Variants in JAG2 observed in about 807,000 individuals in gnomAD.
The protein encoded by JAG2 is jagged canonical Notch ligand 2, also known as protein jagged-2.
A neutral mutation model predicts 141.7 loss-of-function variants in JAG2; 46 were observed. The ratio of observed to expected loss-of-function variants is 0.32; its 90% CI spans 0.26 to 0.42. The LOEUF is 0.42. Ranked by LOEUF, JAG2 falls within the 10% of genes least tolerant of loss-of-function variation. The probability of loss-of-function intolerance (pLI) is 1.00; values close to 1 mark genes in which losing one functional copy is unlikely to be tolerated. For missense variants in JAG2, 1,500 were observed against 1,817.5 expected (o/e 0.83, Z 3.18); for synonymous variants, 862 against 763.5 (o/e 1.13, Z -2.13).
At chr14:105,148,541 G>A (rs1888304335) in intron 15 of JAG2, 102 bp from the exon 16 acceptor site, 7 of 914,784 alleles carry the variant, frequency 7.7e-6, no homozygotes, top group East Asian at 2.6e-5. Flanking sequence ...AGGACAGAGA[G>A]GGGCGGGGGA....
chr14:105,146,517 C>T lies in JAG2; in HGVS notation c.2594-17G>A. On this transcript the variant is annotated splice_polypyrimidine_tract_variant and intron_variant, in intron 21 of 25. Coordinates refer to ENST00000331782, the MANE Select transcript of JAG2 (RefSeq NM_002226.5). ...ACCCGATCACTGTGGGGAGAAGGGG[C>T]TCGAGGGTCAGCAGTGGGCATCTGG... 1.2e-6 allele frequency: 2 copies of T among 1,611,306 alleles called. No homozygotes were observed. The highest frequency in any genetic ancestry group is 1.7e-6 in the Non-Finnish European group (2 of 1,178,628).
In JAG2 at chr14:105,149,324, C is replaced by T; in HGVS notation, c.1603-4G>A. ...GCTCACAAAGGTCGACATCCACCTG[C>T]AGGGTGGGGGGTGCCTGTGAGAGCC... On this transcript the variant is annotated splice_region_variant and splice_polypyrimidine_tract_variant and intron_variant, in intron 12 of 25. Transcript: ENST00000331782. The T allele has an allele frequency of 6.2e-7, 1 of 1,612,610 alleles. No individual in the cohort carries two copies.
At chr14:105,146,590 G>C in intron 21 of JAG2, 21 bp downstream of exon 21, 1 of 1,609,586 alleles carries the variant, frequency 6.2e-7, no homozygotes, top group Non-Finnish European at 8.5e-7. Flanking sequence ...CCCCAACCCA[G>C]GGCAATCACA....
intron 22 of JAG2, 41 bp downstream of exon 22, chr14:105,146,344 C>T: frequency 6.5e-7 from 1 of 1,545,722 alleles, no homozygotes; most frequent in Non-Finnish European, 8.9e-7. Context: ...CAGCGTGCAC[C>T]AGCCTCGGGT....
At chr14:105,148,290 G>A (rs748219657) in intron 16 of JAG2, 36 bp downstream of exon 16, 3 of 1,592,758 alleles carry the variant, frequency 1.9e-6, no homozygotes, top group Non-Finnish European at 1.7e-6. Flanking sequence ...GGGTCCTGGG[G>A]GCAGCCCCAG....
At chr14:105,152,316 GACCC>G in intron 5 of JAG2, 25 bp from the exon 6 acceptor site, 1 of 1,610,408 alleles carries the variant, frequency 6.2e-7, no homozygotes, top group Non-Finnish European at 8.5e-7. Context: ...AGGGGCGCAA[GACCC>G]AGTGAGCTGT....
At chr14:105,165,573 C>G (rs2239283) in intron 2 of JAG2, among the ~76,000 whole-genome samples, 26,818 of 152,172 alleles carry the variant, frequency 0.18, 2,882 homozygotes, top group African/African-American at 0.29. Flanking sequence ...AGATCCATGA[C>G]TAATAGCACA....
At chr14:105,161,515 C>T (rs1041335402) in intron 2 of JAG2, among the ~76,000 whole-genome samples, 4 of 152,202 alleles carry the variant, frequency 2.6e-5, no homozygotes, top group African/African-American at 9.6e-5. Flanking sequence ...GCCCAGGGCT[C>T]CGGTTACCTG....
In JAG2 at chr14:105,150,672, G is replaced by C. The variant is rs761495383; in HGVS notation, c.1534C>G (p.Leu512Val). 6.4e-7 allele frequency: 1 copy of C among 1,550,926 alleles called. No homozygotes were observed. The highest frequency in any genetic ancestry group is 8.7e-7 in the Non-Finnish European group (1 of 1,147,280). Residue 512 changes from leucine to valine, a missense_variant, in exon 12 of 26, where the codon CTC becomes GTC. Physicochemically the swap from Leu to Val is conservative, Grantham distance 32. Around this residue, in one of 3 missense-constraint regions of JAG2, gnomAD observed 875 missense variants for 1,202.2 expected, o/e 0.73. Transcript: ENST00000331782. Reference sequence around the variant, plus strand: ...AAGCCGTCGGCCAGGTCCTCGCAGAGGCCGCCGCTGTGGCAGGGGCTGCTG... The same window carrying C: ...AAGCCGTCGGCCAGGTCCTCGCAGACGCCGCCGCTGTGGCAGGGGCTGCTG... ...CASSPCHSGG[L>V]CEDLADGFHC...
chr14:105,144,863 A>G, intron 24 of JAG2, 67 bp downstream of exon 24: 1 of 1,565,192 alleles, frequency 6.4e-7, no homozygotes, highest in Non-Finnish European at 8.6e-7. Flanking sequence ...TCTGTCCAGC[A>G]TAGCCAGGAC....
intron 2 of JAG2, among the ~76,000 whole-genome samples, chr14:105,161,639 C>T (rs908674525): frequency 6.6e-6 from 1 of 152,148 alleles, no homozygotes; most frequent in African/African-American, 2.4e-5. Context: ...AGCTGGCTGA[C>T]GGGGCGGTAC....
intron 24 of JAG2, 22 bp downstream of exon 24, chr14:105,144,908 C>T: frequency 6.3e-7 from 1 of 1,595,636 alleles, no homozygotes. Flanking sequence ...CACCCAGGTG[C>T]TGCTCCCCAC....
In JAG2 at chr14:105,152,032, G is replaced by A. The variant is rs758581902; in HGVS notation, c.945C>T (p.His315=). 1.2e-6 allele frequency: 2 copies of A among 1,613,326 alleles called. No individual in the cohort carries two copies. Among genetic ancestry groups the A allele is most frequent in the East Asian group, 2.2e-5 (1 of 44,886 alleles). ...TGCACGTGCCTCCGTTGGTGCAGGG[G>A]TGGTGGCTGCCACAGTAGTTCAGGT... ...DKDLNYCGSH[H]PCTNGGTCIN... is the part of the protein sequence containing the mutation. Residue 315 remains histidine (H), a synonymous_variant, in exon 7 of 26, where the codon CAC becomes CAT. Coordinates refer to ENST00000331782, the MANE Select transcript of JAG2 (RefSeq NM_002226.5).
rs1888456425 is a variant in JAG2 at position 105,152,182 on chromosome 14, C to T, written c.898G>A (p.Gly300Ser). 1.2e-6 allele frequency: 2 copies of T among 1,613,676 alleles called. No individual in the cohort carries two copies. Among genetic ancestry groups the T allele is most frequent in the Non-Finnish European group, 1.7e-6 (2 of 1,180,026 alleles). Residue 300 changes from glycine to serine, a missense_variant, in exon 6 of 26, where the codon GGC (glycine) becomes AGC (serine). Gly to Ser is a moderately conservative substitution (Grantham distance 56). Transcript: ENST00000331782. ...CTACCTTTGTCACAGAGCAGGCCGC[C>T]CCAGTTGGTCTCACAGTTGCACTGC... ...PWQCNCETNWGGLLCDKDLNY... is the reference protein window; with the variant it reads ...PWQCNCETNWSGLLCDKDLNY...
chr14:105,161,169 T>C (rs1888736833), intron 2 of JAG2, among the ~76,000 whole-genome samples: 1 of 113,788 alleles, frequency 8.8e-6, no homozygotes. Context: ...GAGTGAGGTC[T>C]GTTGTTGGGG....
Position 105,150,619 on chromosome 14 carries a change from G to T in JAG2, c.1587C>A (p.Ser529=). 1 of 1,548,904 alleles carries T rather than the reference G, an allele frequency of 6.5e-7. No individual in the cohort carries two copies. The highest frequency in any genetic ancestry group is 1.2e-5 in the South Asian group (1 of 83,954). ...GFHCHCPQGF[S]GPLCEVDVDL... ...CAGACCTCACCTCACAGAGAGGCCC[G>T]GAGAAGCCCTGGGGGCAGTGGCAGT... Residue 529 remains serine, a synonymous_variant, in exon 12 of 26, where the codon TCC becomes TCA. Coordinates refer to ENST00000331782, the MANE Select transcript of JAG2 (RefSeq NM_002226.5).
chr14:105,152,094 G>GCC (rs756262915), intron 6 of JAG2, 37 bp from the exon 7 acceptor site: 5 of 1,612,848 alleles, frequency 3.1e-6, no homozygotes, highest in Non-Finnish European at 4.2e-6. Context: ...GGAAAAGCCG[G>GCC]CCCCCCGCTC....
chr14:105,161,517 G>A (rs999859955), intron 2 of JAG2, among the ~76,000 whole-genome samples: 4 of 152,154 alleles, frequency 2.6e-5, no homozygotes, highest in Non-Finnish European at 4.4e-5. Flanking sequence ...CCAGGGCTCC[G>A]GTTACCTGCT....
chr14:105,148,868 C>T lies in JAG2; in HGVS notation c.1907-10G>A, dbSNP rs201209535. On this transcript the variant is annotated splice_polypyrimidine_tract_variant and intron_variant, in intron 14 of 25. Transcript: ENST00000331782. ...AGGCAGTCGTCAATGTCTGCAGAGG[C>T]GAGCGGGGTGAGCCAGGGCCTCAGG... 2.1e-4 allele frequency: 330 copies of T among 1,587,002 alleles called. 1 individual carries two copies. The African/African-American group carries it at 2.5e-3, about 12-fold the overall frequency.
Sources: allele counts gnomAD v4.1 joint callset (sites outside exome capture counted in the v4.1 genomes callset), GRCh38; gene constraint gnomAD v4.1.1; regional missense constraint gnomAD v4.1.1; transcripts MANE v1.5; gene names NCBI Gene and HGNC (gene_info 2026-07-23, HGNC 2026-07-21).